SLC2A1: variants seen among roughly 807,000 people sequenced by gnomAD.
The protein encoded by SLC2A1 is solute carrier family 2, facilitated glucose transporter member 1.
In SLC2A1, 4 loss-of-function variants were observed where a neutral mutation model predicts 46.6. The ratio of observed to expected loss-of-function variants is 0.09; its 90% CI spans 0.04 to 0.20. The LOEUF (loss-of-function observed/expected upper bound fraction) is 0.20, where lower values mean the gene tolerates loss of function less well. Among genes scored for constraint, SLC2A1 ranks in the 10% least tolerant of loss-of-function variants. SLC2A1 has a pLI of 1.00. For missense variants in SLC2A1, 352 were observed against 667.0 expected, an observed-to-expected ratio of 0.53 and a Z score of 5.20; for synonymous variants, 253 against 270.0, an observed-to-expected ratio of 0.94 and a Z score of 0.62.
intron 2 of SLC2A1, among the ~76,000 whole-genome samples, chr1:42,941,266 C>CGTGCTG (rs1557650578): frequency 6.6e-6 from 1 of 152,156 alleles, no homozygotes; most frequent in Non-Finnish European, 1.5e-5. Context: ...GCTGGGCCCC[C>CGTGCTG]GTGCTGGTGC....
Position 42,943,267 on chromosome 1 carries a change from G to T in SLC2A1, c.73C>A (p.Gln25Lys), listed in dbSNP as rs1165759782. 7 of 1,613,980 alleles carry T rather than the reference G, an allele frequency of 4.3e-6. No individual in the cohort carries two copies. The highest frequency in any genetic ancestry group is 2.2e-5 in the East Asian group (1 of 44,882). Reference sequence around the variant, plus strand: ...ATGACTCCAGTGTTGTAGCCAAACTGCAGGGAGCCAAGCACTGCTCCTCCC... The same window carrying T: ...ATGACTCCAGTGTTGTAGCCAAACTTCAGGGAGCCAAGCACTGCTCCTCCC... Reference protein sequence around the residue: ...AVGGAVLGSLQFGYNTGVINA... With the variant: ...AVGGAVLGSLKFGYNTGVINA... Residue 25 changes from glutamine (Q) to lysine (K), a missense_variant, in exon 2 of 10, where the codon CAG (glutamine) becomes AAG (lysine). By Grantham distance (53) the Gln-to-Lys change is moderately conservative. Transcript: ENST00000426263.
chr1:42,945,807 G>T (rs904906801), intron 1 of SLC2A1, among the ~76,000 whole-genome samples: 5 of 151,854 alleles, frequency 3.3e-5, no homozygotes, highest in Admixed American at 6.6e-5. Flanking sequence ...ACCCCGGGGG[G>T]GCCTGGGTGA....
At chr1:42,946,781 C>G (rs1393224125) in intron 1 of SLC2A1, among the ~76,000 whole-genome samples, 1 of 152,218 alleles carries the variant, frequency 6.6e-6, no homozygotes, top group Admixed American at 6.5e-5. Flanking sequence ...GCACAAGACA[C>G]TGCGACCAAT....
At chr1:42,950,628 T>G (rs1643710710) in intron 1 of SLC2A1, among the ~76,000 whole-genome samples, 1 of 152,150 alleles carries the variant, frequency 6.6e-6, no homozygotes, top group Non-Finnish European at 1.5e-5. Context: ...TCACTGTCAC[T>G]CTCAGCAGAC....
chr1:42,929,585 G>A lies in SLC2A1; in HGVS notation c.867+8C>T. On this transcript the variant is annotated splice_region_variant and intron_variant, in intron 6 of 9. Transcript: ENST00000426263. The surrounding 1 kb of genome is among the most constrained non-coding windows in gnomAD (Gnocchi z 6.0). ...TGGGGCACAGGAAGGGTGGGTGGGG[G>A]CACTCACAGCGTTGATGCCAGACAG... is the stretch of plus-strand genomic sequence containing the variant. The A allele has an allele frequency of 4.4e-6, 7 of 1,609,176 alleles. No individual in the cohort carries two copies. The highest frequency in any genetic ancestry group is 1.1e-5 in the South Asian group (1 of 90,728).
chr1:42,942,680 T>A (rs1423255986), intron 2 of SLC2A1, among the ~76,000 whole-genome samples: 2 of 152,020 alleles, frequency 1.3e-5, no homozygotes, highest in Admixed American at 1.3e-4. Context: ...TGGATGGGTA[T>A]GAGTGCAGGC....
chr1:42,957,755 A>T (rs1184144604), intron 1 of SLC2A1, among the ~76,000 whole-genome samples: 1 of 152,038 alleles, frequency 6.6e-6, no homozygotes, highest in Non-Finnish European at 1.5e-5. Context: ...CTATCTAGGG[A>T]GTTGTTGGTC....
At chr1:42,941,475 C>T (rs1229569597) in intron 2 of SLC2A1, among the ~76,000 whole-genome samples, 1 of 152,184 alleles carries the variant, frequency 6.6e-6, no homozygotes, top group Non-Finnish European at 1.5e-5. Context: ...CCCTGCTCAC[C>T]CCAACCCTGT....
intron 1 of SLC2A1, among the ~76,000 whole-genome samples, chr1:42,945,308 C>T (rs929897219): frequency 2.0e-5 from 3 of 152,002 alleles, no homozygotes; most frequent in Non-Finnish European, 4.4e-5. Flanking sequence ...AGTTCGAGGC[C>T]GCAGTGAGCT....
At chr1:42,947,783 T>A (rs1344427194) in intron 1 of SLC2A1, among the ~76,000 whole-genome samples, 2 of 152,122 alleles carry the variant, frequency 1.3e-5, no homozygotes, top group African/African-American at 4.8e-5. Flanking sequence ...GAACAGCACA[T>A]GCTAATTGCC....
intron 2 of SLC2A1, among the ~76,000 whole-genome samples, chr1:42,936,291 G>A (rs1324457569): frequency 6.6e-6 from 1 of 152,182 alleles, no homozygotes; most frequent in African/African-American, 2.4e-5. Context: ...GGAGGAAAGG[G>A]CCAGCTTCTC....
chr1:42,930,582 T>C lies in SLC2A1; in HGVS notation c.516+44A>G, dbSNP rs1557646420. The C allele has an allele frequency of 6.2e-7, 1 of 1,610,792 alleles. No homozygotes were observed. The highest frequency in any genetic ancestry group is 8.5e-7 in the Non-Finnish European group (1 of 1,178,734). On this transcript the variant is annotated intron_variant, in intron 4 of 9. Transcript: ENST00000426263. This position sits in a 1 kb window ranked among gnomAD's most constrained non-coding sequence, Gnocchi z 6.2. ...ACAGATCCGAGAGCCACTGAAGCTG[T>C]GGGCAGGGGCCGTGCCAGGCAGGTA... is the stretch of plus-strand genomic sequence containing the variant.
intron 1 of SLC2A1, among the ~76,000 whole-genome samples, chr1:42,950,703 T>A (rs1356982528): frequency 6.6e-6 from 1 of 152,234 alleles, no homozygotes; most frequent in Non-Finnish European, 1.5e-5. Context: ...CTGGGCATGG[T>A]GGCTCACGCC....
At chr1:42,952,455 G>A in intron 1 of SLC2A1, 1 of 464,260 alleles carries the variant, frequency 2.2e-6, no homozygotes, top group East Asian at 6.7e-5. Context: ...GTTGTAGATG[G>A]TGATGATGCC....
At chr1:42,952,370 G>A (rs746328905) in intron 1 of SLC2A1, 3 of 477,356 alleles carry the variant, frequency 6.3e-6, no homozygotes, top group African/African-American at 3.9e-5. Flanking sequence ...TCAGCCTAGC[G>A]CTTGGCTGGA....
rs1643476355 is a variant in SLC2A1, at chr1:42,930,448, T to C, written c.516+178A>G. ...GGGACTGAGAAGAGTCAAGTCATCT[T>C]GCTGTCAACTGGGAGGCCATGGTGC... On this transcript the variant is annotated intron_variant, in intron 4 of 9. Transcript: ENST00000426263. The surrounding 1 kb of genome is among the most constrained non-coding windows in gnomAD (Gnocchi z 6.2). The C allele has an allele frequency of 1.2e-6, 1 of 846,496 alleles. No homozygotes were observed. Among genetic ancestry groups the C allele is most frequent in the African/African-American group, 1.7e-5 (1 of 59,614 alleles). 52.4% of individuals were successfully genotyped at this position (846,496 alleles called of 1,614,324 possible).
chr1:42,952,273 C>T (rs1020533497), intron 1 of SLC2A1: 2 of 420,452 alleles, frequency 4.8e-6, no homozygotes, highest in South Asian at 1.7e-5. Context: ...CAGGATCAAG[C>T]CCACAAATAG....
intron 1 of SLC2A1, among the ~76,000 whole-genome samples, chr1:42,957,672 A>T (rs1643790345): frequency 6.6e-6 from 1 of 152,236 alleles, no homozygotes; most frequent in South Asian, 2.1e-4. Context: ...CAATTTGTTG[A>T]AAAGAAATCG....
At chr1:42,953,023 C>T (rs1428716815) in intron 1 of SLC2A1, among the ~76,000 whole-genome samples, 1 of 152,236 alleles carries the variant, frequency 6.6e-6, no homozygotes, top group Admixed American at 6.5e-5. Flanking sequence ...AGAAGTGTGG[C>T]TGGCCTAAGG....
Sources: allele counts gnomAD v4.1 joint callset (sites outside exome capture counted in the v4.1 genomes callset), GRCh38; gene constraint gnomAD v4.1.1; non-coding constraint Gnocchi (gnomAD v3.1); transcripts MANE v1.5; gene names NCBI Gene and HGNC (gene_info 2026-07-23, HGNC 2026-07-21).